WWOX: variants seen among roughly 807,000 people sequenced by gnomAD.
WWOX encodes the protein WW domain containing oxidoreductase.
WWOX carries 69 observed loss-of-function variants against 46.2 expected under a neutral mutation model. That is an observed-to-expected ratio of 1.49 (90% CI 1.23 to 1.82). The LOEUF is 1.82. Ranked by LOEUF, WWOX falls within the 40% of genes most tolerant of loss-of-function variation. The probability of loss-of-function intolerance (pLI) is 0.00; values close to 1 mark genes in which losing one functional copy is unlikely to be tolerated. For missense variants in WWOX, 919 were observed against 542.6 expected, an observed-to-expected ratio of 1.69 and a Z score of -6.89; for synonymous variants, 359 against 202.6, an observed-to-expected ratio of 1.77 and a Z score of -6.56.
intron 8 of WWOX, among the ~76,000 whole-genome samples, chr16:79,073,325 G>A (rs1455532598): frequency 2.0e-5 from 3 of 151,990 alleles, no homozygotes; most frequent in Non-Finnish European, 2.9e-5. Context: ...GATTACAGGT[G>A]CACGCCGCCA....
intron 8 of WWOX, among the ~76,000 whole-genome samples, chr16:79,165,872 C>T (rs774099457): frequency 1.3e-5 from 2 of 152,184 alleles, no homozygotes; most frequent in Non-Finnish European, 2.9e-5. Flanking sequence ...GTCTAAGCAC[C>T]CGTCCCTCTT....
intron 8 of WWOX, among the ~76,000 whole-genome samples, chr16:79,071,009 G>A (rs150150367): frequency 1.3e-5 from 2 of 152,286 alleles, no homozygotes; most frequent in East Asian, 3.9e-4. Flanking sequence ...TGTAGGGAGT[G>A]TACTCTCGAG....
intron 8 of WWOX, among the ~76,000 whole-genome samples, chr16:78,519,118 A>G (rs72801975): frequency 0.081 from 12,369 of 152,282 alleles, 613 homozygotes; most frequent in South Asian, 0.13. Context: ...GGCTCCGTCT[A>G]TTAGCTGTGT....
intron 6 of WWOX, among the ~76,000 whole-genome samples, chr16:78,401,552 G>C (rs1040186317): frequency 2.0e-5 from 3 of 152,060 alleles, no homozygotes; most frequent in Non-Finnish European, 4.4e-5. Context: ...TTAGGGGAAA[G>C]AGTCTGGAGA....
At chr16:78,325,366 C>T (rs941876881) in intron 5 of WWOX, among the ~76,000 whole-genome samples, 2 of 152,314 alleles carry the variant, frequency 1.3e-5, no homozygotes, top group African/African-American at 4.8e-5. Flanking sequence ...AATATTGAGA[C>T]TATTGCTTTT....
chr16:79,096,514 G>A (rs1031146132), intron 8 of WWOX, among the ~76,000 whole-genome samples: 1 of 152,124 alleles, frequency 6.6e-6, no homozygotes, highest in Non-Finnish European at 1.5e-5. Flanking sequence ...CAGCTACAGG[G>A]CTGGCCCATC....
intron 8 of WWOX, among the ~76,000 whole-genome samples, chr16:79,078,604 G>A (rs1316510247): frequency 1.3e-5 from 2 of 152,210 alleles, no homozygotes; most frequent in Non-Finnish European, 2.9e-5. Context: ...GTTCCTGGGA[G>A]CATTTAACAC....
intron 8 of WWOX, among the ~76,000 whole-genome samples, chr16:78,753,279 G>C (rs567714742): frequency 6.6e-6 from 1 of 151,658 alleles, no homozygotes; most frequent in Non-Finnish European, 1.5e-5. Flanking sequence ...CAGCCTGGGC[G>C]ACAGACTCCA....
At chr16:78,436,013 T>C (rs768955191) in intron 8 of WWOX, among the ~76,000 whole-genome samples, 48 of 152,228 alleles carry the variant, frequency 3.2e-4, no homozygotes, top group Non-Finnish European at 6.3e-4. Context: ...TTTGATTCCA[T>C]GTTTGTTAAT....
At chr16:78,343,410 C>G (rs1433164892) in intron 5 of WWOX, among the ~76,000 whole-genome samples, 1 of 121,214 alleles carries the variant, frequency 8.2e-6, no homozygotes, top group East Asian at 1.9e-4. Context: ...CAATCAATCA[C>G]TGATGGCCAG....
intron 8 of WWOX, among the ~76,000 whole-genome samples, chr16:78,466,598 G>C (rs186867945): frequency 2.6e-5 from 4 of 152,254 alleles, no homozygotes; most frequent in African/African-American, 9.6e-5. Flanking sequence ...GGGAGGCTGA[G>C]GTGGGTGGAT....
intron 6 of WWOX, among the ~76,000 whole-genome samples, chr16:78,396,713 C>T (rs543522912): frequency 6.6e-6 from 1 of 152,318 alleles, no homozygotes; most frequent in South Asian, 2.1e-4. Flanking sequence ...TGCAAAGAAT[C>T]AGATAGTAAA....
rs138720369 is a variant in WWOX, at chr16:78,481,292, A to G, written c.1056+48540A>G. On this transcript the variant is annotated intron_variant, in intron 8 of 8. Coordinates refer to ENST00000566780, the MANE Select transcript of WWOX (RefSeq NM_016373.4). ...TTCAAAGCAGCTTGGAGCCTCTTGGATTTTAAAAAGACTCTGTGGCCTCTG... is the reference window on the plus strand; with the variant it reads ...TTCAAAGCAGCTTGGAGCCTCTTGGGTTTTAAAAAGACTCTGTGGCCTCTG... 2.2e-4 allele frequency among the ~76,000 whole-genome samples: 34 copies of G among 152,290 alleles called. No individual in the cohort carries two copies. The East Asian group carries it at 4.6e-3, about 21-fold the overall frequency.
intron 8 of WWOX, among the ~76,000 whole-genome samples, chr16:78,787,617 T>C (rs1405042125): frequency 6.6e-6 from 1 of 152,218 alleles, no homozygotes; most frequent in Non-Finnish European, 1.5e-5. Context: ...TATGCTGCTA[T>C]GATCATACAT....
chr16:78,239,598 G>C (rs527839621), intron 5 of WWOX, among the ~76,000 whole-genome samples: 4 of 152,042 alleles, frequency 2.6e-5, no homozygotes, highest in African/African-American at 9.7e-5. Context: ...GCAGCAGCGC[G>C]ATCTTGGCTC....
intron 8 of WWOX, among the ~76,000 whole-genome samples, chr16:78,704,149 A>G (rs1471651253): frequency 4.0e-5 from 6 of 149,694 alleles, no homozygotes; most frequent in Non-Finnish European, 8.9e-5. Flanking sequence ...TTTTTTTTTT[A>G]ACCTCCAGCA....
chr16:79,087,355 A>C (rs2048872828), intron 8 of WWOX, among the ~76,000 whole-genome samples: 1 of 152,182 alleles, frequency 6.6e-6, no homozygotes, highest in African/African-American at 2.4e-5. Flanking sequence ...TGGGCAGGGG[A>C]GAAGAAAGCC....
chr16:79,007,131 A>C lies in WWOX; in HGVS notation c.1057-204477A>C, dbSNP rs1424676395. Among the ~76,000 whole-genome samples, 6 of 152,230 alleles carry C rather than the reference A, an allele frequency of 3.9e-5. No individual in the cohort carries two copies. In the South Asian group the frequency reaches 1.0e-3, roughly 26 times the overall value. On this transcript the variant is annotated intron_variant, in intron 8 of 8. Transcript: ENST00000566780. ...GTCACAATAGCAAATGACACAGACA[A>C]GATCCTTGCACTTCCAAAACTTATG...
chr16:78,952,550 T>C (rs1047094020), intron 8 of WWOX, among the ~76,000 whole-genome samples: 1 of 151,980 alleles, frequency 6.6e-6, no homozygotes, highest in Non-Finnish European at 1.5e-5. Context: ...ACCTGGCTAA[T>C]TTTTGTATTT....
Sources: gnomAD v4.1 joint callset for allele counts (sites outside exome capture counted in the v4.1 genomes callset) on GRCh38, gnomAD v4.1.1 for gene constraint, MANE v1.5 for transcripts, NCBI Gene and HGNC (gene_info 2026-07-23, HGNC 2026-07-21) for gene names.